FARP1: variants seen among roughly 807,000 people sequenced by gnomAD.
FARP1 encodes the protein FERM, ARHGEF and pleckstrin domain-containing protein 1.
Under a neutral mutation model 128.8 loss-of-function variants are expected in FARP1, and 52 were observed. The observed-to-expected ratio is 0.40, with a 90% CI of 0.32 to 0.51. The LOEUF (loss-of-function observed/expected upper bound fraction) is 0.51. Ranked by LOEUF, FARP1 falls within the 20% of genes least tolerant of loss-of-function variation. The pLI is 0.45. For synonymous variants in FARP1, 580 were observed against 551.8 expected (o/e 1.05, Z -0.72); for missense variants, 1,333 against 1,367.9 (o/e 0.97, Z 0.40).
chr13:98,415,669 TG>T (rs1207935499), intron 16 of FARP1, among the ~76,000 whole-genome samples: 3 of 152,232 alleles, frequency 2.0e-5, no homozygotes, highest in Admixed American at 6.5e-5. Context: ...AGGCAACCCT[TG>T]GGCTAAATCT....
At chr13:98,264,820 A>G (rs999172965) in intron 2 of FARP1, among the ~76,000 whole-genome samples, 2 of 152,214 alleles carry the variant, frequency 1.3e-5, no homozygotes, top group East Asian at 3.8e-4. Flanking sequence ...AATTACTAAT[A>G]TCGAATAGAA....
At chr13:98,257,745 G>A (rs1185113577) in intron 2 of FARP1, among the ~76,000 whole-genome samples, 1 of 152,180 alleles carries the variant, frequency 6.6e-6, no homozygotes, top group African/African-American at 2.4e-5. Flanking sequence ...ACTCCAGCCT[G>A]GATGACGGAG....
At chr13:98,438,679 G>C (rs1332526322) in intron 19 of FARP1, 125 bp from the exon 20 acceptor site, 1 of 718,710 alleles carries the variant, frequency 1.4e-6, no homozygotes, top group African/African-American at 1.8e-5. Context: ...GTCCGTTCTT[G>C]GGGTCTGCAC....
rs543720535 is a variant in FARP1, at chr13:98,239,452, T to C, written c.171+26039T>C. ...GCAGTGCGTTGACAAAGATGTTGTT[T>C]ATATTTTATCCAGCATTTTTAGCTG... On this transcript the variant is annotated intron_variant, in intron 2 of 26. Transcript: ENST00000319562. Among the ~76,000 whole-genome samples, 6 of 152,354 alleles carry C rather than the reference T, an allele frequency of 3.9e-5. No homozygotes were observed. The South Asian group carries it at 1.2e-3, about 32-fold the overall frequency.
chr13:98,157,893 T>G (rs369655460), intron 1 of FARP1, among the ~76,000 whole-genome samples: 1 of 152,220 alleles, frequency 6.6e-6, no homozygotes, highest in African/African-American at 2.4e-5. Context: ...TTTCTGTACA[T>G]TTCTTTGTAA....
chr13:98,330,110 G>GT (rs1887436815), intron 2 of FARP1: 1 of 152,492 alleles, frequency 6.6e-6, no homozygotes, highest in Non-Finnish European at 1.5e-5. Flanking sequence ...GGGACAGAGT[G>GT]TTCCAGCCTG....
intron 13 of FARP1, chr13:98,398,698 T>A (rs1350971534): frequency 6.6e-6 from 1 of 152,216 alleles, no homozygotes; most frequent in Admixed American, 6.5e-5. Flanking sequence ...GCATAATCTG[T>A]TCAGACATAG....
intron 2 of FARP1, among the ~76,000 whole-genome samples, chr13:98,322,474 C>T (rs542927081): frequency 6.6e-6 from 1 of 152,296 alleles, no homozygotes; most frequent in East Asian, 1.9e-4. Context: ...TCTGGGAGCA[C>T]TGGGATTTGG....
At chr13:98,445,875 C>G (rs1892802369) in intron 24 of FARP1, 3 of 504,504 alleles carry the variant, frequency 5.9e-6, no homozygotes, top group Non-Finnish European at 1.1e-5. Flanking sequence ...TGGGGGGACA[C>G]AGGGACCCCA....
chr13:98,241,313 C>T (rs551971098), intron 2 of FARP1, among the ~76,000 whole-genome samples: 53 of 149,488 alleles, frequency 3.5e-4, no homozygotes, highest in African/African-American at 1.2e-3. Context: ...GCTGGGGGCC[C>T]AGAAGCTTTT....
At chr13:98,384,675 C>A in intron 6 of FARP1, 55 bp from the exon 7 acceptor site, 2 of 1,106,402 alleles carry the variant, frequency 1.8e-6, no homozygotes, top group Non-Finnish European at 2.8e-6. Flanking sequence ...GGAATATTGA[C>A]AAACTGGGAA....
Position 98,213,215 on chromosome 13 carries a change from T to C in FARP1, c.-23-5T>C. On this transcript the variant is annotated splice_region_variant and splice_polypyrimidine_tract_variant and intron_variant, in intron 1 of 26. Transcript: ENST00000319562. ...TGTGTTTTTCTTTCTCACTGCTTCC[T>C]GCAGATATTCTCTAAGCCGCTTTCA... 6.2e-7 allele frequency: 1 copy of C among 1,603,160 alleles called. No homozygotes were observed. The highest frequency in any genetic ancestry group is 8.5e-7 in the Non-Finnish European group (1 of 1,175,110).
At position 98,431,280 on chromosome 13, in the gene FARP1, G is replaced by A. The variant is rs1158691028; in HGVS notation, c.2143G>A (p.Ala715Thr). The change falls in exon 18 of 27, where the codon GCC becomes ACC. Residue 715 changes from alanine to threonine, a missense_variant and splice_region_variant. Ala to Thr is a moderately conservative substitution (Grantham distance 58). Transcript: ENST00000319562. ...CCACGCCGACTTCAGGGACTGCCGAGGTGAGTGCTGGGAGCCTGCGCCACC... is the reference window on the plus strand; with the variant it reads ...CCACGCCGACTTCAGGGACTGCCGAAGTGAGTGCTGGGAGCCTGCGCCACC... ...PSHADFRDCR[A>T]ALAEITEMVA... 1 of 1,580,258 alleles carries A rather than the reference G, an allele frequency of 6.3e-7. No individual in the cohort carries two copies. The highest frequency in any genetic ancestry group is 1.3e-5 in the African/African-American group (1 of 74,408).
chr13:98,316,048 A>G (rs16955316), intron 2 of FARP1, among the ~76,000 whole-genome samples: 20,673 of 152,204 alleles, frequency 0.14, 1,935 homozygotes, highest in East Asian at 0.31. Context: ...GGAATCTGTC[A>G]CATGAGACGG....
chr13:98,259,205 A>C (rs1883756005), intron 2 of FARP1, among the ~76,000 whole-genome samples: 1 of 152,178 alleles, frequency 6.6e-6, no homozygotes, highest in Non-Finnish European at 1.5e-5. Flanking sequence ...GCAACAGAGC[A>C]AGACCCTGTC....
chr13:98,231,984 C>G (rs991532750), intron 2 of FARP1, among the ~76,000 whole-genome samples: 24 of 151,822 alleles, frequency 1.6e-4, no homozygotes, highest in African/African-American at 5.8e-4. Context: ...CTCGTCACCA[C>G]GCCCAGCTAA....
Position 98,446,792 on chromosome 13 carries a change from G to A in FARP1, c.3031G>A (p.Ala1011Thr). ...HFKSHVYYFRAESEYTFERWM... is the reference protein window; with the variant it reads ...HFKSHVYYFRTESEYTFERWM... ...CAAGTCCCACGTCTACTACTTCAGG[G>A]CGGAAAGCGAGTACACGTTCGAAAG... The change falls in exon 26 of 27, where the codon GCG becomes ACG. Residue 1011 changes from alanine (A) to threonine (T), a missense_variant. By Grantham distance (58) the Ala-to-Thr change is moderately conservative (BLOSUM62 0). Around this residue, in one of 2 missense-constraint regions of FARP1, gnomAD observed 1,009 missense variants for 969.8 expected, o/e 1.04. Transcript: ENST00000319562. 6.2e-7 allele frequency: 1 copy of A among 1,614,130 alleles called. No homozygotes were observed. Among genetic ancestry groups the A allele is most frequent in the South Asian group, 1.1e-5 (1 of 91,080 alleles).
intron 1 of FARP1, among the ~76,000 whole-genome samples, chr13:98,152,539 CATT>C (rs1353798381): frequency 7.9e-5 from 12 of 152,288 alleles, no homozygotes; most frequent in Middle Eastern, 3.4e-3. Flanking sequence ...ATAAATGCAT[CATT>C]GAGTCATTTA....
chr13:98,357,938 G>A (rs1888704801), intron 3 of FARP1, among the ~76,000 whole-genome samples: 1 of 152,064 alleles, frequency 6.6e-6, no homozygotes. Flanking sequence ...AATTATTCCC[G>A]ACTACTAAAG....
Sources: gnomAD v4.1 joint callset for allele counts (sites outside exome capture counted in the v4.1 genomes callset) on GRCh38, gnomAD v4.1.1 for gene constraint, gnomAD v4.1.1 regional missense constraint, MANE v1.5 for transcripts, NCBI Gene and HGNC (gene_info 2026-07-23, HGNC 2026-07-21) for gene names.